The following LARGE1 variants were observed in gnomAD, a reference collection of about 807,000 sequenced individuals.
The protein encoded by LARGE1 is xylosyl- and glucuronyltransferase LARGE1.
LARGE1 carries 43 observed loss-of-function variants against 87.6 expected under a neutral mutation model. That is an observed-to-expected ratio of 0.49 (90% CI 0.38 to 0.63). LARGE1 has a LOEUF of 0.63. Ranked by LOEUF, LARGE1 falls within the 30% of genes least tolerant of loss-of-function variation. The pLI is 0.00. For synonymous variants in LARGE1, 434 were observed against 394.6 expected, an observed-to-expected ratio of 1.10 and a Z score of -1.18; for missense variants, 802 against 1,000.2, an observed-to-expected ratio of 0.80 and a Z score of 2.67.
intron 10 of LARGE1, among the ~76,000 whole-genome samples, chr22:33,320,452 C>A (rs1194604242): frequency 6.6e-6 from 1 of 152,220 alleles, no homozygotes; most frequent in Non-Finnish European, 1.5e-5. Flanking sequence ...GCTCCAAGAG[C>A]ACTCAGTTCG....
chr22:33,079,737 A>G, the LARGE1 span, among the ~76,000 whole-genome samples: 2 of 152,170 alleles, frequency 1.3e-5, no homozygotes, highest in African/African-American at 4.8e-5. Context: ...TGAGTTGTCC[A>G]TTCTGCTTAG....
chr22:33,397,024 C>G (rs2065769414), intron 7 of LARGE1, among the ~76,000 whole-genome samples: 1 of 152,174 alleles, frequency 6.6e-6, no homozygotes, highest in African/African-American at 2.4e-5. Flanking sequence ...AATTGAATAA[C>G]TAGAACCCAG....
chr22:33,277,348 T>C (rs916356927), intron 13 of LARGE1, 93 bp from the exon 14 acceptor site: 1 of 1,216,444 alleles, frequency 8.2e-7, no homozygotes, highest in South Asian at 1.3e-5. Flanking sequence ...TGTACACTGA[T>C]GTAGTCCTCG....
chr22:33,710,973 C>CTTT (rs2082714254), intron 2 of LARGE1, among the ~76,000 whole-genome samples: 2 of 152,110 alleles, frequency 1.3e-5, no homozygotes, highest in Admixed American at 6.5e-5. Context: ...TAAACTGTCC[C>CTTT]AAATCTTTAC....
chr22:33,309,610 C>T (rs1935339442), intron 11 of LARGE1, among the ~76,000 whole-genome samples: 1 of 152,214 alleles, frequency 6.6e-6, no homozygotes, highest in Non-Finnish European at 1.5e-5. Flanking sequence ...GACTTCCAGC[C>T]TCCAGCACTG....
At chr22:33,844,629 T>C (rs2063376913) in intron 1 of LARGE1, among the ~76,000 whole-genome samples, 2 of 152,012 alleles carry the variant, frequency 1.3e-5, no homozygotes, top group Non-Finnish European at 2.9e-5. Context: ...GTCTGGGGAT[T>C]GGCGACTTGC....
At chr22:33,498,052 T>C (rs889822201) in intron 6 of LARGE1, among the ~76,000 whole-genome samples, 5 of 152,004 alleles carry the variant, frequency 3.3e-5, no homozygotes, top group African/African-American at 1.2e-4. Flanking sequence ...TCAGCTAATT[T>C]TTTTGTATTT....
chr22:33,721,645 G>A (rs1053409527), intron 2 of LARGE1, among the ~76,000 whole-genome samples: 1 of 152,140 alleles, frequency 6.6e-6, no homozygotes, highest in African/African-American at 2.4e-5. Context: ...ATTTGCCAAA[G>A]AATCAGAGCA....
chr22:33,239,958 T>C (rs1198815714), intron 11 of LARGE1, among the ~76,000 whole-genome samples: 1 of 152,206 alleles, frequency 6.6e-6, no homozygotes, highest in Non-Finnish European at 1.5e-5. Flanking sequence ...TGGGAGAATA[T>C]ATATTTGCAA....
chr22:33,737,773 T>C (rs2083710012), intron 2 of LARGE1: 1 of 151,950 alleles, frequency 6.6e-6, no homozygotes, highest in African/African-American at 2.4e-5. Context: ...AACTGTCAAG[T>C]TGAAGAAAAA....
At chr22:33,219,263 A>G (rs763271950) in intron 11 of LARGE1, among the ~76,000 whole-genome samples, 5 of 152,232 alleles carry the variant, frequency 3.3e-5, no homozygotes, top group African/African-American at 4.8e-5. Flanking sequence ...ATCCATATCT[A>G]TAAGATCAGA....
chr22:33,772,129 C>T (rs1031105682), intron 1 of LARGE1, among the ~76,000 whole-genome samples: 7 of 152,042 alleles, frequency 4.6e-5, no homozygotes, highest in African/African-American at 9.7e-5. Flanking sequence ...GTCGGGAGAC[C>T]GATATCATCC....
chr22:33,712,808 A>T (rs2082776274), intron 2 of LARGE1, among the ~76,000 whole-genome samples: 1 of 152,164 alleles, frequency 6.6e-6, no homozygotes, highest in African/African-American at 2.4e-5. Flanking sequence ...ATTCTTCAAC[A>T]GCCTCAACCA....
downstream of LARGE1, among the ~76,000 whole-genome samples, chr22:33,268,254 C>T (rs551646478): frequency 1.1e-4 from 16 of 148,248 alleles, no homozygotes; most frequent in East Asian, 2.4e-3. Context: ...ATGCCCGGCC[C>T]GCAAAAGTCA....
chr22:33,348,657 G>A (rs1476574167), intron 9 of LARGE1, among the ~76,000 whole-genome samples: 2 of 151,942 alleles, frequency 1.3e-5, no homozygotes, highest in Admixed American at 6.6e-5. Flanking sequence ...GGGAGCCATC[G>A]TCCAATCCAT....
At chr22:33,579,446 T>C (rs1049685890) in intron 5 of LARGE1, among the ~76,000 whole-genome samples, 2 of 152,224 alleles carry the variant, frequency 1.3e-5, no homozygotes, top group Non-Finnish European at 2.9e-5. Flanking sequence ...AACGGACTAA[T>C]ACAGTGTGCC....
chr22:33,507,948 C>T (rs1375740855), intron 6 of LARGE1, among the ~76,000 whole-genome samples: 4 of 152,200 alleles, frequency 2.6e-5, no homozygotes, highest in African/African-American at 9.6e-5. Flanking sequence ...TTAAATCCCA[C>T]AATTCCTACC....
At chr22:33,443,578 T>C (rs936391387) in intron 6 of LARGE1, among the ~76,000 whole-genome samples, 5 of 152,130 alleles carry the variant, frequency 3.3e-5, no homozygotes, top group Admixed American at 1.3e-4. Flanking sequence ...CTCGGGAGCA[T>C]AGAGAAGGAA....
At chr22:33,275,414 A>G (rs1929042870) in intron 14 of LARGE1, among the ~76,000 whole-genome samples, 1 of 152,222 alleles carries the variant, frequency 6.6e-6, no homozygotes, top group Non-Finnish European at 1.5e-5. Context: ...AGCTCAGAGC[A>G]GATAAGAATA....
Sources: gnomAD v4.1 joint callset for allele counts (sites outside exome capture counted in the v4.1 genomes callset) on GRCh38, gnomAD v4.1.1 for gene constraint, MANE v1.5 for transcripts, NCBI Gene and HGNC (gene_info 2026-07-23, HGNC 2026-07-21) for gene names.